CCDC107: variants seen among roughly 807,000 people sequenced by gnomAD.
CCDC107 encodes coiled-coil domain containing 107.
A neutral mutation model predicts 17.9 loss-of-function variants in CCDC107; 17 were observed. The observed-to-expected ratio is 0.95, with a 90% CI of 0.65 to 1.42. The LOEUF (loss-of-function observed/expected upper bound fraction) is 1.42, where lower values mean the gene tolerates loss of function less well. Ranked by LOEUF, CCDC107 falls within the 40% of genes most tolerant of loss-of-function variation. The pLI is 0.00. For synonymous variants in CCDC107, 170 were observed against 157.2 expected, an observed-to-expected ratio of 1.08 and a Z score of -0.61; for missense variants, 388 against 360.1, an observed-to-expected ratio of 1.08 and a Z score of -0.63.
At chr9:35,659,741 T>G (rs1217384319) in intron 2 of CCDC107, 1 of 152,260 alleles carries the variant, frequency 6.6e-6, no homozygotes, top group Non-Finnish European at 1.5e-5. Flanking sequence ...CCTGAGGGGC[T>G]GTCACCTTGA....
Position 35,658,563 on chromosome 9 carries a change from C to A in CCDC107, c.107-13C>A. On this transcript the variant is annotated splice_polypyrimidine_tract_variant and intron_variant, in intron 1 of 4. Transcript: ENST00000426546. Reference sequence around the variant, plus strand: ...CCCAGCTCGGCTGACTCGCCTGTATCCTCCCTCCGCAGGGAACGCAGCCCA... The same window carrying A: ...CCCAGCTCGGCTGACTCGCCTGTATACTCCCTCCGCAGGGAACGCAGCCCA... The A allele has an allele frequency of 6.4e-7, 1 of 1,572,464 alleles. No homozygotes were observed.
chr9:35,660,955 T>C lies in CCDC107; in HGVS notation c.620T>C (p.Leu207Pro), dbSNP rs756504155. 3 of 1,614,190 alleles carry C rather than the reference T, an allele frequency of 1.9e-6. No individual in the cohort carries two copies. The highest frequency in any genetic ancestry group is 2.5e-6 in the Non-Finnish European group (3 of 1,180,038). Residue 207 changes from leucine (L) to proline (P), a missense_variant, in exon 5 of 5, where the codon CTT becomes CCT. Leu to Pro is a moderately conservative substitution (Grantham distance 98). Coordinates refer to ENST00000426546, the MANE Select transcript of CCDC107 (RefSeq NM_174923.3). ...ISPHTEASRPLPEDFCLKEDE... is the reference protein window; with the variant it reads ...ISPHTEASRPPPEDFCLKEDE... ...CCCCACACAGAGGCCAGCAGACCTC[T>C]TCCTGAGGACTTCTGTTTAAAGGAG... is the stretch of plus-strand genomic sequence containing the variant.
chr9:35,659,180 T>G (rs1441302537), intron 2 of CCDC107: 1 of 155,416 alleles, frequency 6.4e-6, no homozygotes. Flanking sequence ...GGCCCTGAAA[T>G]GTAAGTTGAC....
chr9:35,658,873 C>T (rs2131814526), intron 2 of CCDC107, 146 bp downstream of exon 2: 1 of 485,144 alleles, frequency 2.1e-6, no homozygotes, highest in East Asian at 3.5e-5. Context: ...GACAGTAGTC[C>T]GTTGGCCTTC....
chr9:35,658,431 G>T lies in CCDC107; in HGVS notation c.52G>T (p.Ala18Ser). Residue 18 changes from alanine to serine, a missense_variant, in exon 1 of 5, where the codon GCG (alanine) becomes TCG (serine). Physicochemically the swap from Ala to Ser is moderately conservative, Grantham distance 99. Transcript: ENST00000426546. ...TGTGGTGGGGCTGCTGCTTGTGTCT[G>T]CGCTGTCCGGGGTCCTAGGAGACCG... ...LGVVGLLLVS[A>S]LSGVLGDRAN... is the part of the protein sequence containing the mutation. The T allele has an allele frequency of 6.8e-7, 1 of 1,465,738 alleles. No homozygotes were observed. The highest frequency in any genetic ancestry group is 9.0e-7 in the Non-Finnish European group (1 of 1,108,472). 90.8% of individuals were successfully genotyped at this position (1,465,738 alleles called of 1,614,324 possible). A position where few individuals can be genotyped will look rare whatever the true frequency, so the allele number is the denominator to read the frequency against.
intron 2 of CCDC107, 160 bp from the exon 3 acceptor site, chr9:35,660,241 G>A: frequency 1.6e-6 from 1 of 623,452 alleles, no homozygotes; most frequent in Non-Finnish European, 2.8e-6. Context: ...TTCATATGCT[G>A]GGTGAGGAGC....
chr9:35,660,533 C>T, intron 3 of CCDC107, 24 bp from the exon 4 acceptor site: 2 of 1,613,770 alleles, frequency 1.2e-6, no homozygotes, highest in East Asian at 2.2e-5. Context: ...ACCACTTCTG[C>T]CCCCTTTTTT....
Position 35,658,370 on chromosome 9 carries a change from T to A in CCDC107, c.-10T>A. The A allele has an allele frequency of 7.1e-7, 1 of 1,403,296 alleles. No homozygotes were observed. Among genetic ancestry groups the A allele is most frequent in the Non-Finnish European group, 9.3e-7 (1 of 1,074,868 alleles). 86.9% of individuals were successfully genotyped at this position (1,403,296 alleles called of 1,614,324 possible). On this transcript the variant is annotated 5_prime_UTR_variant, in exon 1 of 5. Transcript: ENST00000426546. ...ACCGCCCGCCCGATCCCTCCACCCG[T>A]GGGCCGGCAATGGCGGGCGCAGTTT... is the stretch of plus-strand genomic sequence containing the variant.
Position 35,660,993 on chromosome 9 carries a change from A to G in CCDC107, c.658A>G (p.Ile220Val), listed in dbSNP as rs1339374. The change falls in exon 5 of 5, where the codon ATT becomes GTT. Residue 220 changes from isoleucine to valine, a missense_variant. Physicochemically the swap from Ile to Val is conservative, Grantham distance 29 (BLOSUM62 3). Transcript: ENST00000426546. ...DFCLKEDEEE[I>V]GDSQAWEEPT... ...CTGTTTAAAGGAGGACGAGGAGGAG[A>G]TTGGTGACAGTCAGGCCTGGGAGGA... 0.81 allele frequency: 1,305,740 copies of G among 1,613,902 alleles called. 531,311 individuals carry two copies. Among genetic ancestry groups the G allele is most frequent in the East Asian group, 0.99 (44,431 of 44,870 alleles).
chr9:35,660,826 A>C lies in CCDC107; in HGVS notation c.491A>C (p.Lys164Thr), dbSNP rs752815799. The change falls in exon 5 of 5, where the codon AAG becomes ACG. Residue 164 changes from lysine (K) to threonine (T), a missense_variant. Physicochemically the swap from Lys to Thr is moderately conservative, Grantham distance 78. Coordinates refer to ENST00000426546, the MANE Select transcript of CCDC107 (RefSeq NM_174923.3). ...ATCCACGAGCTGCTGCAAGATAGCA[A>C]GCCGGACAAGGATATGGAGGCTTCA... ...WTIHELLQDS[K>T]PDKDMEASEP... is the part of the protein sequence containing the mutation. 1 of 1,614,210 alleles carries C rather than the reference A, an allele frequency of 6.2e-7. No homozygotes were observed. The highest frequency in any genetic ancestry group is 2.2e-5 in the East Asian group (1 of 44,888).
chr9:35,659,785 T>C (rs1016646589), intron 2 of CCDC107: 4 of 152,364 alleles, frequency 2.6e-5, no homozygotes, highest in African/African-American at 9.6e-5. Context: ...CAGTAAGCAC[T>C]ATGGAAAGAA....
At chr9:35,660,152 C>CT in intron 2 of CCDC107, 1 of 412,220 alleles carries the variant, frequency 2.4e-6, no homozygotes, top group Non-Finnish European at 4.4e-6. Flanking sequence ...GCCACCAGAG[C>CT]TTTTTTCAAA....
chr9:35,659,099 G>A (rs1402142912), intron 2 of CCDC107: 1 of 186,426 alleles, frequency 5.4e-6, no homozygotes, highest in Non-Finnish European at 1.1e-5. Context: ...CTTGGCACAG[G>A]AGGTTGATTG....
In CCDC107 at chr9:35,660,952, C is replaced by G. The variant is rs1369903344; in HGVS notation, c.617C>G (p.Pro206Arg). 12 of 1,614,074 alleles carry G rather than the reference C, an allele frequency of 7.4e-6. No homozygotes were observed. The highest frequency in any genetic ancestry group is 1.0e-5 in the Non-Finnish European group (12 of 1,180,048). Residue 206 changes from proline to arginine, a missense_variant, in exon 5 of 5, where the codon CCT becomes CGT. Pro to Arg is a moderately radical substitution (Grantham distance 103, BLOSUM62 -2). Coordinates refer to ENST00000426546, the MANE Select transcript of CCDC107 (RefSeq NM_174923.3). Reference protein sequence around the residue: ...LISPHTEASRPLPEDFCLKED... With the variant: ...LISPHTEASRRLPEDFCLKED... ...TCTCCCCACACAGAGGCCAGCAGAC[C>G]TCTTCCTGAGGACTTCTGTTTAAAG...
Position 35,658,324 on chromosome 9 carries a change from C to G in CCDC107, c.-56C>G. 1 of 1,292,364 alleles carries G rather than the reference C, an allele frequency of 7.7e-7. No individual in the cohort carries two copies. The highest frequency in any genetic ancestry group is 9.8e-7 in the Non-Finnish European group (1 of 1,017,712). The allele number at this position is 1,292,364 out of a possible 1,614,324, so 80.1% of individuals were successfully genotyped here. A position where few individuals can be genotyped will look rare whatever the true frequency, so the allele number is the denominator to read the frequency against. On this transcript the variant is annotated 5_prime_UTR_variant, in exon 1 of 5. Coordinates refer to ENST00000426546, the MANE Select transcript of CCDC107 (RefSeq NM_174923.3). Reference sequence around the variant, plus strand: ...TGCGCGTGCGCGTTGGGGCGGCCGGCCAATGCCGGACCGCTTCGGCACCGC... The same window carrying G: ...TGCGCGTGCGCGTTGGGGCGGCCGGGCAATGCCGGACCGCTTCGGCACCGC...
intron 2 of CCDC107, chr9:35,658,963 C>A (rs1266528148): frequency 2.5e-6 from 1 of 404,630 alleles, no homozygotes; most frequent in Non-Finnish European, 4.4e-6. Flanking sequence ...TAATGACTAT[C>A]ACATTTAGTT....
intron 1 of CCDC107, 28 bp from the exon 2 acceptor site, chr9:35,658,548 C>G (rs1823699028): frequency 6.4e-7 from 1 of 1,553,096 alleles, no homozygotes. Context: ...CCCAGCTCGG[C>G]TGACTCGCCT....
intron 2 of CCDC107, chr9:35,660,165 G>A (rs959527842): frequency 9.0e-6 from 4 of 443,714 alleles, no homozygotes; most frequent in South Asian, 3.3e-5. Flanking sequence ...TTTTCAAACC[G>A]GAGGGAGTTG....
rs780386606 is a variant in CCDC107, at chr9:35,660,186, G to T, written c.259-215G>T. ...AACCGGAGGGAGTTGCTCATTCCTG[G>T]AGGTGTTTCAGCAAACTGACCATGT... On this transcript the variant is annotated intron_variant, in intron 2 of 4. Transcript: ENST00000426546. The T allele has an allele frequency of 1.8e-5, 9 of 499,362 alleles. No homozygotes were observed. The Admixed American group carries it at 2.7e-4, about 15-fold the overall frequency. The allele number at this position is 499,362 out of a possible 1,614,324, so 30.9% of individuals were successfully genotyped here. A position where few individuals can be genotyped will look rare whatever the true frequency, so the allele number is the denominator to read the frequency against.
Sources: allele counts gnomAD v4.1 joint callset, GRCh38; gene constraint gnomAD v4.1.1; transcripts MANE v1.5; gene names NCBI Gene and HGNC (gene_info 2026-07-23, HGNC 2026-07-21).